MVB12B: variants seen among roughly 807,000 people sequenced by gnomAD.
MVB12B encodes ESCRT-I complex subunit MVB12B.
MVB12B carries 16 observed loss-of-function variants against 41.6 expected under a neutral mutation model. The ratio of observed to expected loss-of-function variants is 0.38; its 90% CI spans 0.26 to 0.58. MVB12B has a LOEUF of 0.58. Among genes scored for constraint, MVB12B ranks in the 20% least tolerant of loss-of-function variants. The probability of loss-of-function intolerance (pLI) is 0.62; values close to 1 mark genes in which losing one functional copy is unlikely to be tolerated. For missense variants in MVB12B, 274 were observed against 380.2 expected (o/e 0.72, Z 2.32); for synonymous variants, 133 against 139.7 (o/e 0.95, Z 0.34).
At chr9:126,484,118 C>G in intron 9 of MVB12B, 86 bp downstream of exon 9, 1 of 1,284,096 alleles carries the variant, frequency 7.8e-7, no homozygotes, top group Non-Finnish European at 1.1e-6. Flanking sequence ...TAGGGATCCA[C>G]TCCAAGAGAG....
chr9:126,393,850 G>C (rs1479033210), intron 5 of MVB12B, among the ~76,000 whole-genome samples: 1 of 152,224 alleles, frequency 6.6e-6, no homozygotes, highest in African/African-American at 2.4e-5. Flanking sequence ...GGCTTCTGAG[G>C]CCAGCCTCCT....
At chr9:126,415,054 G>A (rs755940939) in intron 6 of MVB12B, among the ~76,000 whole-genome samples, 20 of 152,040 alleles carry the variant, frequency 1.3e-4, no homozygotes, top group Non-Finnish European at 2.4e-4. Flanking sequence ...GTTTGATGCT[G>A]TCGAGTACCT....
At chr9:126,467,207 G>A (rs1002751473) in intron 7 of MVB12B, among the ~76,000 whole-genome samples, 6 of 152,110 alleles carry the variant, frequency 3.9e-5, no homozygotes, top group East Asian at 3.9e-4. Context: ...GGACTCCCCC[G>A]GGTGTTGTAG....
At chr9:126,342,526 A>T (rs1829475581) in intron 2 of MVB12B, among the ~76,000 whole-genome samples, 1 of 152,116 alleles carries the variant, frequency 6.6e-6, no homozygotes, top group Non-Finnish European at 1.5e-5. Flanking sequence ...ACATTTCATG[A>T]TTGTGCTGTG....
intron 6 of MVB12B, among the ~76,000 whole-genome samples, chr9:126,400,600 C>T (rs942905191): frequency 6.6e-6 from 1 of 152,206 alleles, no homozygotes; most frequent in Non-Finnish European, 1.5e-5. Flanking sequence ...AACTTCAGGG[C>T]CCTGCAGTGG....
chr9:126,489,919 G>A (rs75706698), intron 9 of MVB12B, among the ~76,000 whole-genome samples: 3,001 of 152,244 alleles, frequency 0.02, 33 homozygotes, highest in Non-Finnish European at 0.03. Flanking sequence ...CCACCTGTCC[G>A]TGCCTTGTCC....
chr9:126,353,398 C>G (rs1564286361), intron 2 of MVB12B, among the ~76,000 whole-genome samples: 1 of 152,210 alleles, frequency 6.6e-6, no homozygotes, highest in East Asian at 1.9e-4. Context: ...CCTTTTCCCA[C>G]AAATCTGCAA....
chr9:126,414,400 C>T (rs1273853125), intron 6 of MVB12B, among the ~76,000 whole-genome samples: 1 of 152,180 alleles, frequency 6.6e-6, no homozygotes, highest in Non-Finnish European at 1.5e-5. Context: ...CTGTCTCCTC[C>T]GGGCAGTTCC....
chr9:126,384,614 C>T (rs1386712591), intron 3 of MVB12B, among the ~76,000 whole-genome samples: 2 of 151,928 alleles, frequency 1.3e-5, no homozygotes. Context: ...CTGCAGCCTC[C>T]ACCTCCTGGG....
At chr9:126,481,973 T>C (rs1313690572) in intron 8 of MVB12B, among the ~76,000 whole-genome samples, 1 of 152,258 alleles carries the variant, frequency 6.6e-6, no homozygotes, top group African/African-American at 2.4e-5. Flanking sequence ...TGTGGTCTCC[T>C]GCCCATGCCA....
Position 126,477,931 on chromosome 9 carries a change from C to T in MVB12B, c.758-3438C>T, listed in dbSNP as rs143683574. 8.5e-5 allele frequency among the ~76,000 whole-genome samples: 13 copies of T among 152,286 alleles called. No individual in the cohort carries two copies. In the East Asian group the frequency reaches 2.3e-3, roughly 27 times the overall value. ...TACTGTAGTCAGAAAGCCAGGCTTA[C>T]GGGACCACCTATGTTTCTAGATCCT... On this transcript the variant is annotated intron_variant, in intron 7 of 9. Transcript: ENST00000361171.
intron 6 of MVB12B, among the ~76,000 whole-genome samples, chr9:126,409,129 G>A (rs1416692099): frequency 6.6e-6 from 1 of 151,352 alleles, no homozygotes; most frequent in African/African-American, 2.5e-5. Flanking sequence ...GGGGGGCTCA[G>A]TAATGCATTT....
rs1156416508 is a variant in MVB12B, at chr9:126,468,798, AC to A, written c.758-12569del. Among the ~76,000 whole-genome samples, 1 of 152,050 alleles carries A rather than the reference AC, an allele frequency of 6.6e-6. No homozygotes were observed. Among genetic ancestry groups the A allele is most frequent in the Admixed American group, 6.5e-5 (1 of 15,272 alleles). ...AAGACCCTTTGGTGGCTCCCCAGGG[AC>A]CTCATGATGTCCTTCAGTCTGCTGA... On this transcript the variant is annotated intron_variant, in intron 7 of 9. Transcript: ENST00000361171. The surrounding 1 kb of genome is among the most constrained non-coding windows in gnomAD (Gnocchi z 4.3).
intron 2 of MVB12B, among the ~76,000 whole-genome samples, chr9:126,347,019 G>GAGCTAGAGGATGCCATGACCCC (rs531236958): frequency 1.3e-5 from 2 of 152,228 alleles, no homozygotes; most frequent in South Asian, 2.1e-4. Context: ...GGCATAGCGG[G>GAGCTAGAGGATGCCATGACCCC]AGCTAGAGGA....
chr9:126,478,423 G>T lies in MVB12B; in HGVS notation c.758-2946G>T, dbSNP rs916154621. ...CCCCCAGGCCCTGCCCCTGGGCTGG[G>T]GACCTGGAATGCAGAGGTGACTCGC... On this transcript the variant is annotated intron_variant, in intron 7 of 9. Transcript: ENST00000361171. The surrounding 1 kb of genome is among the most constrained non-coding windows in gnomAD (Gnocchi z 4.2). 2.6e-5 allele frequency among the ~76,000 whole-genome samples: 4 copies of T among 152,162 alleles called. No individual in the cohort carries two copies. The highest frequency in any genetic ancestry group is 4.8e-5 in the African/African-American group (2 of 41,436).
Position 126,386,867 on chromosome 9 carries a change from G to A in MVB12B, c.409+209G>A, listed in dbSNP as rs1588129830. Among the ~76,000 whole-genome samples, 1 of 152,136 alleles carries A rather than the reference G, an allele frequency of 6.6e-6. No homozygotes were observed. Among genetic ancestry groups the A allele is most frequent in the African/African-American group, 2.4e-5 (1 of 41,412 alleles). On this transcript the variant is annotated intron_variant, in intron 4 of 9. Coordinates refer to ENST00000361171, the MANE Select transcript of MVB12B (RefSeq NM_033446.3). This position sits in a 1 kb window ranked among gnomAD's most constrained non-coding sequence, Gnocchi z 4.3. ...ATTCTGGGTAGCAGCATGTAAATGA[G>A]CAGAACGTGCCTTTCTTTTAGAATG...
At chr9:126,445,556 G>A (rs1417037761) in intron 7 of MVB12B, among the ~76,000 whole-genome samples, 1 of 152,146 alleles carries the variant, frequency 6.6e-6, no homozygotes, top group East Asian at 1.9e-4. Flanking sequence ...CTCCCCCTCG[G>A]CCTCCCAACG....
Position 126,473,608 on chromosome 9 carries a change from A to G in MVB12B, c.758-7761A>G, listed in dbSNP as rs1451764919. Among the ~76,000 whole-genome samples the G allele has an allele frequency of 2.6e-5, 4 of 152,182 alleles. No individual in the cohort carries two copies. Among genetic ancestry groups the G allele is most frequent in the Non-Finnish European group, 5.9e-5 (4 of 68,030 alleles). On this transcript the variant is annotated intron_variant, in intron 7 of 9. Coordinates refer to ENST00000361171, the MANE Select transcript of MVB12B (RefSeq NM_033446.3). The surrounding 1 kb of genome is among the most constrained non-coding windows in gnomAD (Gnocchi z 4.0). ...ACAAGAATGCCAGAGCAGGAACAAG[A>G]AAGCCAAAGAGCGGAAGGTGCCACA...
intron 2 of MVB12B, among the ~76,000 whole-genome samples, chr9:126,346,169 GA>G (rs1186751120): frequency 1.3e-5 from 2 of 152,184 alleles, no homozygotes; most frequent in African/African-American, 4.8e-5. Context: ...GGTTGGCACG[GA>G]AAACCCTTCG....
Sources: gnomAD v4.1 joint callset for allele counts (sites outside exome capture counted in the v4.1 genomes callset) on GRCh38, gnomAD v4.1.1 for gene constraint, Gnocchi (gnomAD v3.1) non-coding constraint, MANE v1.5 for transcripts, NCBI Gene and HGNC (gene_info 2026-07-23, HGNC 2026-07-21) for gene names.